CHRM2: variants seen among roughly 807,000 people sequenced by gnomAD.
CHRM2 encodes muscarinic acetylcholine receptor M2.
CHRM2 carries 8 observed loss-of-function variants against 25.0 expected under a neutral mutation model. That is an observed-to-expected ratio of 0.32 (90% CI 0.19 to 0.58). CHRM2 has a LOEUF of 0.58. Among genes scored for constraint, CHRM2 ranks in the 20% least tolerant of loss-of-function variants. The pLI is 0.88. For missense variants in CHRM2, 440 were observed against 567.1 expected (o/e 0.78, Z 2.28); for synonymous variants, 202 against 205.7 (o/e 0.98, Z 0.15).
chr7:136,883,473 G>A (rs924361410), intron 2 of CHRM2, among the ~76,000 whole-genome samples: 8 of 152,146 alleles, frequency 5.3e-5, no homozygotes, highest in East Asian at 3.9e-4. Context: ...AAAAACAGTC[G>A]TAGCTTATTA....
chr7:137,007,868 A>G, intron 3 of CHRM2, among the ~76,000 whole-genome samples: 1 of 152,134 alleles, frequency 6.6e-6, no homozygotes, highest in East Asian at 1.9e-4. Context: ...ATCCTTAAAT[A>G]AGTCTCTCCA....
intron 2 of CHRM2, among the ~76,000 whole-genome samples, chr7:136,903,620 T>C (rs1281487734): frequency 6.6e-6 from 1 of 152,024 alleles, no homozygotes; most frequent in Non-Finnish European, 1.5e-5. Flanking sequence ...TGCAATTTTC[T>C]AAAATTTAAA....
chr7:136,956,142 G>A (rs1441510932), intron 2 of CHRM2, among the ~76,000 whole-genome samples: 4 of 152,072 alleles, frequency 2.6e-5, no homozygotes, highest in Non-Finnish European at 5.9e-5. Context: ...ACAACATAGA[G>A]AATAAAATTT....
At chr7:136,922,938 G>C (rs1200985546) in intron 2 of CHRM2, among the ~76,000 whole-genome samples, 1 of 152,128 alleles carries the variant, frequency 6.6e-6, no homozygotes, top group Non-Finnish European at 1.5e-5. Context: ...AATCCTCTGA[G>C]TATCAATGTA....
intron 2 of CHRM2, among the ~76,000 whole-genome samples, chr7:136,940,017 A>G (rs1335741202): frequency 6.6e-6 from 1 of 152,228 alleles, no homozygotes; most frequent in African/African-American, 2.4e-5. Context: ...ATCCTAATAA[A>G]AAGCAATATA....
chr7:136,940,628 G>A (rs1159922347), intron 2 of CHRM2, among the ~76,000 whole-genome samples: 2 of 152,098 alleles, frequency 1.3e-5, no homozygotes, highest in African/African-American at 4.8e-5. Flanking sequence ...CTTCCAACCT[G>A]AAATAGTAAC....
chr7:136,937,222 G>A (rs1799466824), intron 2 of CHRM2, among the ~76,000 whole-genome samples: 1 of 152,000 alleles, frequency 6.6e-6, no homozygotes, highest in East Asian at 1.9e-4. Context: ...TATCCTTCCT[G>A]GTGACTTAAA....
At chr7:136,887,673 C>G (rs1412790647) in intron 2 of CHRM2, among the ~76,000 whole-genome samples, 2 of 152,170 alleles carry the variant, frequency 1.3e-5, no homozygotes, top group African/African-American at 4.8e-5. Context: ...ACCTCACTGA[C>G]CATGCCTCAG....
chr7:136,951,412 C>T (rs905295308), intron 2 of CHRM2, among the ~76,000 whole-genome samples: 5 of 152,178 alleles, frequency 3.3e-5, no homozygotes, highest in Middle Eastern at 3.4e-3. Context: ...TGACACTTGG[C>T]GAAGAAAATA....
In CHRM2 at chr7:137,015,497, G is replaced by T. The variant is rs774760812; in HGVS notation, c.632G>T (p.Arg211Leu). The change falls in exon 4 of 4, where the codon CGA becomes CTA. Residue 211 changes from arginine (R) to leucine (L), a missense_variant. Physicochemically the swap from Arg to Leu is moderately radical, Grantham distance 102. This residue lies in a region of CHRM2 where 261 missense variants were observed against 261.8 expected (regional missense o/e 1.00). Coordinates refer to ENST00000680005, the MANE Select transcript of CHRM2 (RefSeq NM_001006630.2). The surrounding 1 kb of genome is among the most constrained non-coding windows in gnomAD (Gnocchi z 5.1). ...IMTVLYWHIS[R>L]ASKSRIKKDK... The stretch of plus-strand genomic sequence containing the variant: ...ACTGTGCTATATTGGCACATATCCC[G>T]AGCCAGCAAGAGCAGGATAAAGAAG... 2 of 1,613,114 alleles carry T rather than the reference G, an allele frequency of 1.2e-6. No individual in the cohort carries two copies. Among genetic ancestry groups the T allele is most frequent in the Non-Finnish European group, 8.5e-7 (1 of 1,179,608 alleles).
chr7:136,971,312 C>T (rs759044538), intron 2 of CHRM2, among the ~76,000 whole-genome samples: 3 of 152,198 alleles, frequency 2.0e-5, no homozygotes, highest in Admixed American at 1.3e-4. Context: ...CTCCATCCTA[C>T]AATTTAGACC....
At chr7:136,917,500 A>C (rs2130716775) in intron 2 of CHRM2, among the ~76,000 whole-genome samples, 1 of 152,136 alleles carries the variant, frequency 6.6e-6, no homozygotes, top group African/African-American at 2.4e-5. Context: ...TGAGAGATCA[A>C]CGGGCTATGT....
intron 3 of CHRM2, among the ~76,000 whole-genome samples, chr7:136,999,829 G>A (rs566827402): frequency 6.6e-6 from 1 of 152,154 alleles, no homozygotes; most frequent in Non-Finnish European, 1.5e-5. Flanking sequence ...GGAAATGTTG[G>A]TGAACGGGAA....
chr7:137,015,985 A>G lies in CHRM2; in HGVS notation c.1120A>G (p.Lys374Glu), dbSNP rs1805162318. ...KIVKMTKQPA[K>E]KKPPPSREKK... ...TGTGAAGATGACTAAGCAGCCTGCA[A>G]AAAAGAAGCCTCCTCCTTCCCGGGA... The change falls in exon 4 of 4, where the codon AAA becomes GAA. Residue 374 changes from lysine to glutamate, a missense_variant. Around this residue, in one of 5 missense-constraint regions of CHRM2, gnomAD observed 261 missense variants for 261.8 expected, o/e 1.00. Transcript: ENST00000680005. The surrounding 1 kb of genome is among the most constrained non-coding windows in gnomAD (Gnocchi z 5.1). The G allele has an allele frequency of 2.5e-6, 4 of 1,613,212 alleles. No individual in the cohort carries two copies. The highest frequency in any genetic ancestry group is 3.4e-6 in the Non-Finnish European group (4 of 1,179,448).
In CHRM2 at chr7:137,013,345, T is replaced by A. The variant is rs1296506144; in HGVS notation, c.-46-1475T>A. 4.6e-5 allele frequency among the ~76,000 whole-genome samples: 7 copies of A among 151,680 alleles called. No homozygotes were observed. In the East Asian group the frequency reaches 9.7e-4, roughly 21 times the overall value. On this transcript the variant is annotated intron_variant, in intron 3 of 3. Transcript: ENST00000680005. Reference sequence around the variant, plus strand: ...AATTGACTTTCCAAAGCAGAAAAAATTATTTTTTTAAATGTTATTTGTGTT... The same window carrying A: ...AATTGACTTTCCAAAGCAGAAAAAAATATTTTTTTAAATGTTATTTGTGTT...
chr7:137,015,385 G>A lies in CHRM2; in HGVS notation c.520G>A (p.Gly174Arg). The A allele has an allele frequency of 6.2e-7, 1 of 1,613,496 alleles. No individual in the cohort carries two copies. The highest frequency in any genetic ancestry group is 1.1e-5 in the South Asian group (1 of 91,070). Residue 174 changes from glycine (G) to arginine (R), a missense_variant, in exon 4 of 4, where the codon GGG becomes AGG. Physicochemically the swap from Gly to Arg is moderately radical, Grantham distance 125 (BLOSUM62 -2). Around this residue, in one of 5 missense-constraint regions of CHRM2, gnomAD observed 261 missense variants for 261.8 expected, o/e 1.00. Coordinates refer to ENST00000680005, the MANE Select transcript of CHRM2 (RefSeq NM_001006630.2). This position sits in a 1 kb window ranked among gnomAD's most constrained non-coding sequence, Gnocchi z 5.1. ...FIVGVRTVED[G>R]ECYIQFFSNA... is the part of the protein sequence containing the mutation. ...TGTAGGGGTGAGAACTGTGGAGGATGGGGAGTGCTACATTCAGTTTTTTTC... is the reference window on the plus strand; with the variant it reads ...TGTAGGGGTGAGAACTGTGGAGGATAGGGAGTGCTACATTCAGTTTTTTTC...
chr7:136,947,311 T>C (rs962172966), intron 2 of CHRM2, among the ~76,000 whole-genome samples: 7 of 152,236 alleles, frequency 4.6e-5, no homozygotes, highest in Non-Finnish European at 1.0e-4. Context: ...ATGCTTTTTT[T>C]CCTTAAGTTT....
chr7:136,928,066 T>C (rs535474303), intron 2 of CHRM2, among the ~76,000 whole-genome samples: 4 of 152,140 alleles, frequency 2.6e-5, no homozygotes, highest in Non-Finnish European at 4.4e-5. Flanking sequence ...GGAGAGAATT[T>C]TGCGCAGAGT....
rs946499260 is a variant in CHRM2, at chr7:136,874,915, C to T, written c.-125+5497C>T. ...CTTATGGAAGAAAAAGAGATGCCAC[C>T]GAGATATCCCTGGGAGGATAGTCTG... On this transcript the variant is annotated intron_variant, in intron 2 of 3. Coordinates refer to ENST00000680005, the MANE Select transcript of CHRM2 (RefSeq NM_001006630.2). 1.3e-4 allele frequency among the ~76,000 whole-genome samples: 19 copies of T among 150,910 alleles called. No individual in the cohort carries two copies. In the East Asian group the frequency reaches 2.3e-3, roughly 19 times the overall value.
Sources: allele counts gnomAD v4.1 joint callset (sites outside exome capture counted in the v4.1 genomes callset), GRCh38; gene constraint gnomAD v4.1.1; regional missense constraint gnomAD v4.1.1; non-coding constraint Gnocchi (gnomAD v3.1); transcripts MANE v1.5; gene names NCBI Gene and HGNC (gene_info 2026-07-23, HGNC 2026-07-21).